Variants in PALS2 observed in about 807,000 individuals in gnomAD.
The protein encoded by PALS2 is protein associated with LIN7 2, MAGUK p55 family member.
In PALS2, 27 loss-of-function variants were observed where a neutral mutation model predicts 61.6. The ratio of observed to expected loss-of-function variants is 0.44; its 90% confidence interval spans 0.32 to 0.60. PALS2 has a LOEUF of 0.60. Among genes scored for constraint, PALS2 ranks in the 20% least tolerant of loss-of-function variants. PALS2 has a pLI of 0.05. For missense variants in PALS2, 554 were observed against 639.4 expected (o/e 0.87, Z 1.44); for synonymous variants, 236 against 218.6 (o/e 1.08, Z -0.70).
chr7:24,638,744 T>C (rs1238317446), intron 2 of PALS2, among the ~76,000 whole-genome samples: 1 of 152,184 alleles, frequency 6.6e-6, no homozygotes, highest in Non-Finnish European at 1.5e-5. Flanking sequence ...TTCTGCCTTC[T>C]CACATGACTC....
chr7:24,632,841 C>T (rs1217165749), intron 2 of PALS2, among the ~76,000 whole-genome samples: 1 of 151,968 alleles, frequency 6.6e-6, no homozygotes, highest in Non-Finnish European at 1.5e-5. Context: ...TTTGTTTTCT[C>T]TGCTTTAACT....
At chr7:24,611,070 G>A (rs374106738) in intron 1 of PALS2, among the ~76,000 whole-genome samples, 3 of 152,024 alleles carry the variant, frequency 2.0e-5, no homozygotes, top group Non-Finnish European at 2.9e-5. Context: ...AAATAGGCAC[G>A]GCCTAGTATA....
chr7:24,645,461 G>T (rs1377564867), intron 3 of PALS2, among the ~76,000 whole-genome samples: 1 of 152,052 alleles, frequency 6.6e-6, no homozygotes, highest in Non-Finnish European at 1.5e-5. Context: ...TCTCTTTTCT[G>T]TTCCACTGGT....
chr7:24,613,389 T>C (rs1249717520), intron 1 of PALS2, among the ~76,000 whole-genome samples: 1 of 151,856 alleles, frequency 6.6e-6, no homozygotes, highest in Non-Finnish European at 1.5e-5. Flanking sequence ...TTAAAAGAGA[T>C]TTAAAAATCT....
chr7:24,650,301 A>T (rs1278289343), intron 4 of PALS2, among the ~76,000 whole-genome samples, 184 bp from the exon 5 acceptor site: 1 of 152,152 alleles, frequency 6.6e-6, no homozygotes, highest in Non-Finnish European at 1.5e-5. Flanking sequence ...CCTATCCACT[A>T]GTGTAATAAA....
At chr7:24,657,624 C>T (rs1262057870) in intron 5 of PALS2, among the ~76,000 whole-genome samples, 1 of 152,126 alleles carries the variant, frequency 6.6e-6, no homozygotes, top group African/African-American at 2.4e-5. Context: ...TTGGGATTTG[C>T]CAGGACTTTC....
intron 3 of PALS2, among the ~76,000 whole-genome samples, chr7:24,642,974 T>C (rs1184382178): frequency 6.6e-6 from 1 of 152,112 alleles, no homozygotes; most frequent in Non-Finnish European, 1.5e-5. Context: ...ATGGTTAAGT[T>C]CCAAGGCAAG....
rs368484713 is a variant in PALS2 at position 24,665,698 on chromosome 7, C to T, written c.883+11C>T. 1.8e-4 allele frequency: 292 copies of T among 1,605,980 alleles called. No individual in the cohort carries two copies. The highest frequency in any genetic ancestry group is 1.6e-3 in the South Asian group (148 of 90,818). ...ACTGGGACAATTCAGGTGATGAGCT[C>T]GACACAATAAGTAACAAGCAGTCCT... On this transcript the variant is annotated intron_variant, in intron 7 of 11. Transcript: ENST00000222644.
Position 24,595,246 on chromosome 7 carries a change from G to A in PALS2, c.-3+21653G>A, listed in dbSNP as rs777113944. ...TGTTGCTATTAAGATAGGCAATACG[G>A]GAGGAAGACCAGATTTAGGAAGTAA... On this transcript the variant is annotated intron_variant, in intron 1 of 11. Coordinates refer to ENST00000222644, the MANE Select transcript of PALS2 (RefSeq NM_001303037.2). Among the ~76,000 whole-genome samples the A allele has an allele frequency of 2.0e-5, 3 of 151,144 alleles. No individual in the cohort carries two copies. In the Admixed American group the frequency reaches 2.0e-4, roughly 10 times the overall value.
rs547023316 is a variant in PALS2 at position 24,653,396 on chromosome 7, A to C, written c.651+2684A>C. 1.0e-4 allele frequency among the ~76,000 whole-genome samples: 11 copies of C among 109,096 alleles called. No homozygotes were observed. The East Asian group carries it at 7.8e-3, about 77-fold the overall frequency. 71.6% of individuals were successfully genotyped at this position (109,096 alleles called of 152,430 possible). On this transcript the variant is annotated intron_variant, in intron 5 of 11. Transcript: ENST00000222644. Reference sequence around the variant, plus strand: ...GGGAAAAGCCTTAATTTTATTACAAAAAAAAAAAATAGAACAAACATTATT... The same window carrying C: ...GGGAAAAGCCTTAATTTTATTACAACAAAAAAAAATAGAACAAACATTATT...
In PALS2 at chr7:24,687,635, T is replaced by C; in HGVS notation, c.*21T>C. ...ACTGATGATTCAGTAAGGTTAACAA[T>C]GAAAATTAAACTCTTAAAAAGTGAC... On this transcript the variant is annotated 3_prime_UTR_variant, in exon 12 of 12. Transcript: ENST00000222644. The surrounding 1 kb of genome is among the most constrained non-coding windows in gnomAD (Gnocchi z 4.5). The C allele has an allele frequency of 6.4e-7, 1 of 1,572,152 alleles. No individual in the cohort carries two copies. The highest frequency in any genetic ancestry group is 1.2e-5 in the South Asian group (1 of 83,650).
At chr7:24,658,005 CAT>C (rs1786512994) in intron 5 of PALS2, among the ~76,000 whole-genome samples, 1 of 151,950 alleles carries the variant, frequency 6.6e-6, no homozygotes, top group Non-Finnish European at 1.5e-5. Flanking sequence ...TTTCTTCAGA[CAT>C]TTTTTTCTAT....
intron 6 of PALS2, among the ~76,000 whole-genome samples, chr7:24,664,208 T>A (rs1203909259): frequency 6.6e-6 from 1 of 152,196 alleles, no homozygotes; most frequent in African/African-American, 2.4e-5. Context: ...GAAATGGAGG[T>A]TCACTCTATC....
At chr7:24,622,583 A>G (rs995538186) in intron 1 of PALS2, among the ~76,000 whole-genome samples, 4 of 151,622 alleles carry the variant, frequency 2.6e-5, no homozygotes, top group Non-Finnish European at 5.9e-5. Flanking sequence ...AAATTTTTGT[A>G]TATTAGGATT....
chr7:24,601,039 T>G (rs1455488464), intron 1 of PALS2, among the ~76,000 whole-genome samples: 1 of 152,174 alleles, frequency 6.6e-6, no homozygotes, highest in African/African-American at 2.4e-5. Flanking sequence ...GGCTACTACA[T>G]CGAACATTTT....
At chr7:24,612,191 G>T (rs1784139003) in intron 1 of PALS2, among the ~76,000 whole-genome samples, 1 of 151,884 alleles carries the variant, frequency 6.6e-6, no homozygotes, top group African/African-American at 2.4e-5. Flanking sequence ...TGAAGAAAAA[G>T]AATATAAACT....
intron 9 of PALS2, among the ~76,000 whole-genome samples, chr7:24,670,304 A>G (rs147536386): frequency 8.5e-4 from 129 of 151,148 alleles, no homozygotes; most frequent in African/African-American, 2.8e-3. Flanking sequence ...TGTTTTTTAA[A>G]CTAAAGACTT....
intron 2 of PALS2, among the ~76,000 whole-genome samples, chr7:24,627,917 A>G (rs1285260905): frequency 6.6e-6 from 1 of 152,232 alleles, no homozygotes; most frequent in Non-Finnish European, 1.5e-5. Context: ...AGACAGATTC[A>G]CAGCCAGATT....
At chr7:24,655,671 C>T (rs1009966109) in intron 5 of PALS2, among the ~76,000 whole-genome samples, 2 of 119,808 alleles carry the variant, frequency 1.7e-5, no homozygotes, top group East Asian at 2.6e-4. Context: ...GAGTCTAGCT[C>T]TGTCACCCAG....
Sources: allele counts gnomAD v4.1 joint callset (sites outside exome capture counted in the v4.1 genomes callset), GRCh38; gene constraint gnomAD v4.1.1; non-coding constraint Gnocchi (gnomAD v3.1); transcripts MANE v1.5; gene names NCBI Gene and HGNC (gene_info 2026-07-23, HGNC 2026-07-21).